Variants in TUB observed in about 807,000 individuals in gnomAD.
The protein encoded by TUB is TUB bipartite transcription factor.
In TUB, 33 loss-of-function variants were observed where a neutral mutation model predicts 59.7. The observed-to-expected ratio is 0.55, with a 90% CI of 0.42 to 0.74. The LOEUF (loss-of-function observed/expected upper bound fraction) is 0.74, where lower values mean the gene tolerates loss of function less well. TUB is among the 30% of genes least tolerant of loss of function. The probability of loss-of-function intolerance (pLI) is 0.00; values close to 1 mark genes in which losing one functional copy is unlikely to be tolerated. For missense variants in TUB, 659 were observed against 672.0 expected, an observed-to-expected ratio of 0.98 and a Z score of 0.21; for synonymous variants, 293 against 256.4, an observed-to-expected ratio of 1.14 and a Z score of -1.36.
At position 8,027,354 on chromosome 11, in the gene TUB, G is replaced by A. The variant is rs574203506; in HGVS notation, c.56+7996G>A. ...GCCTATTTTAGATATTTCGTATAAC[G>A]AAATCATACAGTATTTTTCCTTTTG... On this transcript the variant is annotated intron_variant, in intron 1 of 11. Transcript: ENST00000534099. Among the ~76,000 whole-genome samples, 10 of 152,100 alleles carry A rather than the reference G, an allele frequency of 6.6e-5. No homozygotes were observed. The East Asian group carries it at 7.7e-4, about 12-fold the overall frequency.
intron 2 of TUB, among the ~76,000 whole-genome samples, chr11:8,052,892 T>C (rs1227000231): frequency 6.6e-6 from 1 of 152,232 alleles, no homozygotes; most frequent in Non-Finnish European, 1.5e-5. Context: ...ATTCTAATAG[T>C]TTTTCAGTTA....
upstream of TUB, among the ~76,000 whole-genome samples, chr11:8,078,477 A>C (rs1256502811): frequency 6.6e-6 from 1 of 152,070 alleles, no homozygotes; most frequent in Admixed American, 6.6e-5. Flanking sequence ...GGCCTAGTAT[A>C]ATATACATCA....
rs1289199101 is a variant in TUB at position 8,100,844 on chromosome 11, G to C, written c.1234G>C (p.Ala412Pro). 1 of 1,614,056 alleles carries C rather than the reference G, an allele frequency of 6.2e-7. No individual in the cohort carries two copies. Among genetic ancestry groups the C allele is most frequent in the Admixed American group, 1.7e-5 (1 of 60,012 alleles). ...RPRNEHETLL[A>P]RWQNKNTESI... Reference sequence around the variant, plus strand: ...CTCCCAGGAGCATGAGACACTGCTAGCACGCTGGCAGAATAAGAACACGGA... The same window carrying C: ...CTCCCAGGAGCATGAGACACTGCTACCACGCTGGCAGAATAAGAACACGGA... Residue 412 changes from alanine to proline, a missense_variant, in exon 11 of 12, where the codon GCA becomes CCA. By Grantham distance (27) the Ala-to-Pro change is conservative. Transcript: ENST00000299506.
intron 3 of TUB, among the ~76,000 whole-genome samples, chr11:8,092,801 C>T (rs891603511): frequency 1.2e-4 from 18 of 152,158 alleles, no homozygotes; most frequent in African/African-American, 2.2e-4. Flanking sequence ...ACTCCCACCC[C>T]GCCTACAGCA....
chr11:8,058,614 C>T (rs1446411134), intron 2 of TUB, among the ~76,000 whole-genome samples: 1 of 152,180 alleles, frequency 6.6e-6, no homozygotes, highest in African/African-American at 2.4e-5. Flanking sequence ...AAGATTTTTC[C>T]AGTATTCAGA....
At chr11:8,057,841 C>T (rs1158044385) in intron 2 of TUB, among the ~76,000 whole-genome samples, 7 of 152,122 alleles carry the variant, frequency 4.6e-5, no homozygotes, top group Non-Finnish European at 2.9e-5. Context: ...TTTGTTACAT[C>T]CCAGCCTTTG....
chr11:8,097,328 T>C lies in TUB; in HGVS notation c.788T>C (p.Ile263Thr). 6.2e-7 allele frequency: 1 copy of C among 1,614,130 alleles called. No homozygotes were observed. Among genetic ancestry groups the C allele is most frequent in the African/African-American group, 1.3e-5 (1 of 75,026 alleles). Residue 263 changes from isoleucine (I) to threonine (T), a missense_variant, in exon 7 of 12, where the codon ATC (isoleucine) becomes ACC (threonine). Physicochemically the swap from Ile to Thr is moderately conservative, Grantham distance 89. Around this residue, in one of 3 missense-constraint regions of TUB, gnomAD observed 112 missense variants for 156.9 expected, o/e 0.71. Transcript: ENST00000299506. Reference sequence around the variant, plus strand: ...GCACTGAGGCCGGCCCCCCAGGGTATCACCATCAAATGCCGCATCACTCGG... The same window carrying C: ...GCACTGAGGCCGGCCCCCCAGGGTACCACCATCAAATGCCGCATCACTCGG... ...EFALRPAPQGITIKCRITRDK... is the reference protein window; with the variant it reads ...EFALRPAPQGTTIKCRITRDK...
intron 2 of TUB, among the ~76,000 whole-genome samples, chr11:8,060,651 G>T (rs1943105310): frequency 6.6e-6 from 1 of 152,198 alleles, no homozygotes; most frequent in South Asian, 2.1e-4. Context: ...GAGACTGAGA[G>T]TGTGGAAATC....
intron 1 of TUB, among the ~76,000 whole-genome samples, chr11:8,032,274 A>G (rs933910757): frequency 1.3e-5 from 2 of 152,128 alleles, no homozygotes; most frequent in Non-Finnish European, 1.5e-5. Flanking sequence ...CCCACCCCCA[A>G]CTACCACCAA....
intron 1 of TUB, chr11:8,019,404 C>A: frequency 8.1e-7 from 1 of 1,230,248 alleles, no homozygotes; most frequent in Non-Finnish European, 1.0e-6. Context: ...TGCTGACCCT[C>A]GATCTCCTGC....
chr11:8,084,126 ATTTGG>A (rs1287863958), intron 1 of TUB, among the ~76,000 whole-genome samples: 1 of 152,088 alleles, frequency 6.6e-6, no homozygotes, highest in Admixed American at 6.5e-5. Context: ...GGAATGTGGC[ATTTGG>A]TTTGGGAGAG....
intron 1 of TUB, among the ~76,000 whole-genome samples, chr11:8,032,120 G>A (rs542391017): frequency 2.2e-4 from 33 of 151,864 alleles, no homozygotes; most frequent in African/African-American, 6.8e-4. Flanking sequence ...GGGAAAGGCC[G>A]GGAGCGCCTG....
chr11:8,046,841 G>C (rs1395977225), intron 2 of TUB, among the ~76,000 whole-genome samples: 1 of 152,100 alleles, frequency 6.6e-6, no homozygotes, highest in East Asian at 1.9e-4. Context: ...TGGCTTCCTT[G>C]GGCCACATTG....
intron 2 of TUB, among the ~76,000 whole-genome samples, chr11:8,048,837 G>T (rs58474311): frequency 0.01 from 1,559 of 152,122 alleles, 22 homozygotes; most frequent in African/African-American, 0.033. Flanking sequence ...TTATATGTAA[G>T]ATTAAATATA....
intron 2 of TUB, among the ~76,000 whole-genome samples, chr11:8,051,124 T>G (rs530799827): frequency 6.6e-6 from 1 of 152,148 alleles, no homozygotes; most frequent in South Asian, 2.1e-4. Context: ...TTTTGCTCTT[T>G]GTTACTGAAA....
chr11:8,087,147 G>C (rs1186528118), intron 1 of TUB, among the ~76,000 whole-genome samples: 1 of 152,264 alleles, frequency 6.6e-6, no homozygotes, highest in Non-Finnish European at 1.5e-5. Context: ...GCACTGGGCA[G>C]TGAGGCCACT....
At chr11:8,061,135 T>C (rs1426195197) in intron 2 of TUB, among the ~76,000 whole-genome samples, 1 of 152,262 alleles carries the variant, frequency 6.6e-6, no homozygotes, top group Non-Finnish European at 1.5e-5. Context: ...TGATGCTCTC[T>C]GTCCATTGTC....
chr11:8,033,360 T>C (rs1942603191), intron 1 of TUB, among the ~76,000 whole-genome samples: 1 of 152,214 alleles, frequency 6.6e-6, no homozygotes, highest in Admixed American at 6.5e-5. Context: ...TGGCACTCTC[T>C]AGGTGTCCGC....
chr11:8,083,710 C>A (rs1379232153), intron 1 of TUB, among the ~76,000 whole-genome samples: 2 of 152,100 alleles, frequency 1.3e-5, no homozygotes, highest in Non-Finnish European at 2.9e-5. Context: ...TCTCAACACC[C>A]TTATAGCCCT....
Sources: gnomAD v4.1 joint callset for allele counts (sites outside exome capture counted in the v4.1 genomes callset) on GRCh38, gnomAD v4.1.1 for gene constraint, gnomAD v4.1.1 regional missense constraint, MANE v1.5 for transcripts, NCBI Gene and HGNC (gene_info 2026-07-23, HGNC 2026-07-21) for gene names.